Variants in NRXN3 observed in about 807,000 individuals in gnomAD.
NRXN3 encodes the protein neurexin 3.
In NRXN3, 32 loss-of-function variants were observed where a neutral mutation model predicts 137.6. That is an observed-to-expected ratio of 0.23 (90% CI 0.18 to 0.31). The LOEUF (loss-of-function observed/expected upper bound fraction) is 0.31, where lower values mean the gene tolerates loss of function less well. Ranked by LOEUF, NRXN3 falls within the 10% of genes least tolerant of loss-of-function variation. NRXN3 has a pLI of 1.00. For synonymous variants in NRXN3, 798 were observed against 784.5 expected, an observed-to-expected ratio of 1.02 and a Z score of -0.29; for missense variants, 1,574 against 2,062.5, an observed-to-expected ratio of 0.76 and a Z score of 4.59.
intron 10 of NRXN3, among the ~76,000 whole-genome samples, chr14:78,828,914 G>A (rs1425016071): frequency 6.6e-6 from 1 of 152,110 alleles, no homozygotes; most frequent in Non-Finnish European, 1.5e-5. Flanking sequence ...GTGGGAGGAA[G>A]TATAACTTTA....
At chr14:79,675,880 T>C (rs1339289240) in intron 17 of NRXN3, among the ~76,000 whole-genome samples, 2 of 152,094 alleles carry the variant, frequency 1.3e-5, no homozygotes, top group African/African-American at 2.4e-5. Flanking sequence ...CCGTGGTGAT[T>C]TAAATACACC....
chr14:78,997,345 G>C (rs1183759253), intron 15 of NRXN3, among the ~76,000 whole-genome samples: 1 of 152,120 alleles, frequency 6.6e-6, no homozygotes, highest in Non-Finnish European at 1.5e-5. Context: ...TTTCATTGCT[G>C]TGTTTAATTA....
At chr14:79,704,772 G>T (rs1266964582) in intron 19 of NRXN3, among the ~76,000 whole-genome samples, 1 of 152,066 alleles carries the variant, frequency 6.6e-6, no homozygotes, top group Non-Finnish European at 1.5e-5. Flanking sequence ...ATAATTTGGG[G>T]GGAGAGAAAT....
intron 10 of NRXN3, among the ~76,000 whole-genome samples, chr14:78,854,405 T>C (rs985912272): frequency 2.6e-5 from 4 of 152,144 alleles, no homozygotes; most frequent in Non-Finnish European, 5.9e-5. Context: ...CACAAAATTC[T>C]ATGTAGCATG....
chr14:79,810,861 A>G (rs1311671765), intron 20 of NRXN3, among the ~76,000 whole-genome samples: 1 of 152,260 alleles, frequency 6.6e-6, no homozygotes, highest in East Asian at 1.9e-4. Context: ...GTGAAGGATC[A>G]AGAGAAGTTT....
chr14:79,107,455 A>G (rs538340254), intron 15 of NRXN3, among the ~76,000 whole-genome samples: 1 of 152,190 alleles, frequency 6.6e-6, no homozygotes, highest in African/African-American at 2.4e-5. Context: ...CAATTAAGAT[A>G]TAATTCCAAA....
At chr14:79,306,082 C>T (rs773204678) in intron 15 of NRXN3, among the ~76,000 whole-genome samples, 3 of 152,162 alleles carry the variant, frequency 2.0e-5, no homozygotes, top group South Asian at 2.1e-4. Flanking sequence ...ATGTGTTGAC[C>T]GTAAGTTCTT....
intron 16 of NRXN3, among the ~76,000 whole-genome samples, chr14:79,569,630 TGAGAGAGA>T (rs765780227): frequency 2.2e-5 from 3 of 135,676 alleles, no homozygotes; most frequent in African/African-American, 5.8e-5. Flanking sequence ...TGTGTGTGTG[TGAGAGAGA>T]GAGAGAGAGA....
At chr14:78,396,788 T>C (rs2091501125) in intron 4 of NRXN3, among the ~76,000 whole-genome samples, 1 of 152,212 alleles carries the variant, frequency 6.6e-6, no homozygotes. Context: ...TTCTGATATG[T>C]TATTGTAGTC....
At chr14:78,372,142 A>G (rs2086950838) in intron 4 of NRXN3, among the ~76,000 whole-genome samples, 1 of 148,464 alleles carries the variant, frequency 6.7e-6, no homozygotes, top group Non-Finnish European at 1.5e-5. Context: ...TCCACATTTT[A>G]TTGTTTTCCT....
chr14:79,481,343 A>G (rs750904328), intron 16 of NRXN3, among the ~76,000 whole-genome samples: 1 of 152,176 alleles, frequency 6.6e-6, no homozygotes, highest in Non-Finnish European at 1.5e-5. Context: ...CTCACGAGTC[A>G]CTTAATGAGG....
chr14:79,376,610 G>A lies in NRXN3; in HGVS notation c.3263-90611G>A, dbSNP rs1344307060. ...TGTCATTGATGAGATTGCAAGGGTA[G>A]GCATTGTATAAAGATGAGATCCTTT... On this transcript the variant is annotated intron_variant, in intron 15 of 20. Coordinates refer to ENST00000335750, the MANE Select transcript of NRXN3 (RefSeq NM_001330195.2). Among the ~76,000 whole-genome samples, 3 of 152,068 alleles carry A rather than the reference G, an allele frequency of 2.0e-5. 1 individual carries two copies. The highest frequency in any genetic ancestry group is 4.1e-4 in the South Asian group (2 of 4,826).
chr14:79,371,447 A>G (rs1425041167), intron 15 of NRXN3, among the ~76,000 whole-genome samples: 1 of 152,040 alleles, frequency 6.6e-6, no homozygotes, highest in East Asian at 1.9e-4. Flanking sequence ...AACATTCTTG[A>G]TTACCACTTA....
At chr14:78,337,244 C>T (rs2081584267) in intron 4 of NRXN3, among the ~76,000 whole-genome samples, 1 of 152,056 alleles carries the variant, frequency 6.6e-6, no homozygotes, top group Admixed American at 6.6e-5. Context: ...GGTGCAGTTT[C>T]CCTGACTGTA....
intron 4 of NRXN3, among the ~76,000 whole-genome samples, chr14:78,568,206 G>A (rs1359191731): frequency 6.6e-6 from 1 of 152,168 alleles, no homozygotes; most frequent in African/African-American, 2.4e-5. Context: ...CCAATGTGAT[G>A]GTATTAGGAG....
chr14:78,921,935 C>T (rs1483811225), intron 10 of NRXN3, among the ~76,000 whole-genome samples: 1 of 152,164 alleles, frequency 6.6e-6, no homozygotes, highest in African/African-American at 2.4e-5. Flanking sequence ...CTAAAATAAT[C>T]CTTGAGGAAA....
At chr14:78,524,839 C>G (rs572350669) in intron 4 of NRXN3, among the ~76,000 whole-genome samples, 19 of 152,074 alleles carry the variant, frequency 1.2e-4, no homozygotes, top group Non-Finnish European at 2.2e-4. Context: ...TGAATCAAAT[C>G]ACATTAACCT....
intron 16 of NRXN3, among the ~76,000 whole-genome samples, chr14:79,530,593 GTT>G (rs199958147): frequency 7.1e-6 from 1 of 140,478 alleles, no homozygotes. Flanking sequence ...GAGGTTTTTT[GTT>G]TTTTTTTTTT....
At chr14:78,434,386 T>G (rs2153690465) in intron 4 of NRXN3, among the ~76,000 whole-genome samples, 1 of 152,224 alleles carries the variant, frequency 6.6e-6, no homozygotes, top group South Asian at 2.1e-4. Context: ...CAAATTTCCT[T>G]TTTTATCAGG....
Sources: allele counts gnomAD v4.1 joint callset (sites outside exome capture counted in the v4.1 genomes callset), GRCh38; gene constraint gnomAD v4.1.1; transcripts MANE v1.5; gene names NCBI Gene and HGNC (gene_info 2026-07-23, HGNC 2026-07-21).